Variants in RBFOX3 observed in about 807,000 individuals in gnomAD.
RBFOX3 encodes the protein RNA binding fox-1 homolog 3.
In RBFOX3, 17 loss-of-function variants were observed where a neutral mutation model predicts 48.7. The ratio of observed to expected loss-of-function variants is 0.35; its 90% CI spans 0.24 to 0.52. The LOEUF is 0.52. Ranked by LOEUF, RBFOX3 falls within the 20% of genes least tolerant of loss-of-function variation. The probability of loss-of-function intolerance (pLI) is 0.94; values close to 1 mark genes in which losing one functional copy is unlikely to be tolerated. For missense variants in RBFOX3, 382 were observed against 497.5 expected, an observed-to-expected ratio of 0.77 and a Z score of 2.21; for synonymous variants, 212 against 209.5, an observed-to-expected ratio of 1.01 and a Z score of -0.10.
At chr17:79,128,264 C>T (rs1041177792) in intron 4 of RBFOX3, among the ~76,000 whole-genome samples, 2 of 152,210 alleles carry the variant, frequency 1.3e-5, no homozygotes, top group Non-Finnish European at 2.9e-5. Context: ...TGAGCATTTG[C>T]TTCAGTGACT....
At chr17:79,156,727 G>A (rs922383397) in intron 4 of RBFOX3, among the ~76,000 whole-genome samples, 9 of 152,208 alleles carry the variant, frequency 5.9e-5, no homozygotes, top group Admixed American at 2.6e-4. Context: ...GTGGCCCGGA[G>A]AGACTAGCCC....
intron 2 of RBFOX3, among the ~76,000 whole-genome samples, chr17:79,478,790 C>T (rs989253685): frequency 1.1e-4 from 16 of 152,342 alleles, no homozygotes; most frequent in Non-Finnish European, 2.4e-4. Flanking sequence ...ATGTAACAGA[C>T]AAATCTCGTT....
rs114573452 is a variant in RBFOX3, at chr17:79,510,652, C to T, written c.-319-28054G>A. On this transcript the variant is annotated intron_variant, in intron 1 of 14. Coordinates refer to ENST00000693108, the MANE Select transcript of RBFOX3 (RefSeq NM_001350451.2). ...TAACAGCAGAGCTTGGGAATGCCTG[C>T]GCTCACCTCAGAACCACCAGTGCAT... is the stretch of plus-strand genomic sequence containing the variant. Among the ~76,000 whole-genome samples the T allele has an allele frequency of 6.3e-3, 955 of 152,316 alleles. 9 individuals carry two copies. The highest frequency in any genetic ancestry group is 0.022 in the African/African-American group (899 of 41,564).
At chr17:79,305,604 C>T (rs921001327) in intron 3 of RBFOX3, among the ~76,000 whole-genome samples, 4 of 152,264 alleles carry the variant, frequency 2.6e-5, no homozygotes, top group African/African-American at 9.6e-5. Context: ...TTGGGGAAGT[C>T]ACGGTCAGAT....
At chr17:79,125,944 T>C (rs112655512) in intron 4 of RBFOX3, among the ~76,000 whole-genome samples, 4,373 of 152,210 alleles carry the variant, frequency 0.029, 211 homozygotes, top group African/African-American at 0.098. Context: ...GCCCAAGAGG[T>C]GAGTCCACCC....
intron 4 of RBFOX3, among the ~76,000 whole-genome samples, chr17:79,218,397 A>G (rs1441650838): frequency 6.6e-6 from 1 of 151,994 alleles, no homozygotes; most frequent in Non-Finnish European, 1.5e-5. Context: ...GGCTCCTGGG[A>G]AGATGAGAAG....
At chr17:79,472,342 T>G (rs2077156850) in intron 2 of RBFOX3, among the ~76,000 whole-genome samples, 1 of 152,232 alleles carries the variant, frequency 6.6e-6, no homozygotes, top group Non-Finnish European at 1.5e-5. Flanking sequence ...TGCACCCTTC[T>G]ATTATGGACT....
In RBFOX3 at chr17:79,243,716, A is replaced by G. The variant is rs1028895777; in HGVS notation, c.-73-7911T>C. 6.6e-6 allele frequency among the ~76,000 whole-genome samples: 1 copy of G among 152,106 alleles called. No individual in the cohort carries two copies. The highest frequency in any genetic ancestry group is 2.4e-5 in the African/African-American group (1 of 41,422). Reference sequence around the variant, plus strand: ...ACAACACCCAAGCTGTGCCACAGACACCATAGTGTATCCTCCACCTGTCCC... The same window carrying G: ...ACAACACCCAAGCTGTGCCACAGACGCCATAGTGTATCCTCCACCTGTCCC... On this transcript the variant is annotated intron_variant, in intron 3 of 14. Transcript: ENST00000693108. This position sits in a 1 kb window ranked among gnomAD's most constrained non-coding sequence, Gnocchi z 7.9.
chr17:79,594,245 C>T (rs914579950), intron 1 of RBFOX3, among the ~76,000 whole-genome samples: 55 of 152,208 alleles, frequency 3.6e-4, no homozygotes, highest in Middle Eastern at 3.4e-3. Flanking sequence ...TGGAAACTTT[C>T]GAGACTGAGG....
chr17:79,128,758 G>A (rs1288597368), intron 4 of RBFOX3, among the ~76,000 whole-genome samples: 1 of 152,178 alleles, frequency 6.6e-6, no homozygotes, highest in East Asian at 1.9e-4. Context: ...GGCAGCTCAG[G>A]AGACCTCTCA....
rs114107353 is a variant in RBFOX3 at position 79,212,508 on chromosome 17, G to A, written c.-34+23258C>T. Reference sequence around the variant, plus strand: ...GGTCTCACCCTGGGCCCCCCAGTCCGCAACTCCTGACTCCTTATTCTGCAC... The same window carrying A: ...GGTCTCACCCTGGGCCCCCCAGTCCACAACTCCTGACTCCTTATTCTGCAC... On this transcript the variant is annotated intron_variant, in intron 4 of 14. Coordinates refer to ENST00000693108, the MANE Select transcript of RBFOX3 (RefSeq NM_001350451.2). This position sits in a 1 kb window ranked among gnomAD's most constrained non-coding sequence, Gnocchi z 4.7. Among the ~76,000 whole-genome samples, 803 of 152,300 alleles carry A rather than the reference G, an allele frequency of 5.3e-3. 8 individuals carry two copies. Among genetic ancestry groups the A allele is most frequent in the South Asian group, 0.049 (237 of 4,830 alleles).
chr17:79,298,152 C>G (rs2074703671), intron 3 of RBFOX3: 1 of 152,328 alleles, frequency 6.6e-6, no homozygotes, highest in African/African-American at 2.4e-5. Context: ...GCATCTGCAG[C>G]TACTTTGCAG....
chr17:79,508,262 G>C (rs1252688556), intron 1 of RBFOX3, among the ~76,000 whole-genome samples: 1 of 152,154 alleles, frequency 6.6e-6, no homozygotes, highest in Non-Finnish European at 1.5e-5. Context: ...CCCGAGAGGG[G>C]GTTCCTCCAG....
At chr17:79,633,609 T>C in the RBFOX3 span, among the ~76,000 whole-genome samples, 1 of 151,904 alleles carries the variant, frequency 6.6e-6, no homozygotes, top group Non-Finnish European at 1.5e-5. Context: ...TTTTTTTTTT[T>C]AACTGTAACG....
chr17:79,237,267 C>G (rs912097172), intron 3 of RBFOX3, among the ~76,000 whole-genome samples: 1 of 152,192 alleles, frequency 6.6e-6, no homozygotes, highest in African/African-American at 2.4e-5. Flanking sequence ...TCACCACCAC[C>G]GTCTTCATCC....
intron 1 of RBFOX3, among the ~76,000 whole-genome samples, chr17:79,525,039 A>G (rs1568378865): frequency 6.6e-6 from 1 of 152,194 alleles, no homozygotes; most frequent in East Asian, 1.9e-4. Flanking sequence ...CTCTAAGCAT[A>G]TTGCCCTCAA....
the RBFOX3 span, among the ~76,000 whole-genome samples, chr17:79,649,999 G>A: frequency 2.6e-5 from 4 of 152,096 alleles, no homozygotes; most frequent in African/African-American, 4.8e-5. Context: ...ATGAGAAACC[G>A]GCCCCCTGAT....
At chr17:79,292,819 GAA>G (rs34382374) in intron 3 of RBFOX3, among the ~76,000 whole-genome samples, 26,170 of 151,992 alleles carry the variant, frequency 0.17, 2,745 homozygotes, top group African/African-American at 0.28. Flanking sequence ...GCATTTGGGG[GAA>G]AAAATCACCC....
the RBFOX3 span, among the ~76,000 whole-genome samples, chr17:79,624,898 A>T: frequency 6.7e-6 from 1 of 148,658 alleles, no homozygotes; most frequent in Admixed American, 6.8e-5. Context: ...AGCTCAAGGA[A>T]GGGGTCCCCA....
Sources: allele counts gnomAD v4.1 joint callset (sites outside exome capture counted in the v4.1 genomes callset), GRCh38; gene constraint gnomAD v4.1.1; non-coding constraint Gnocchi (gnomAD v3.1); transcripts MANE v1.5; gene names NCBI Gene and HGNC (gene_info 2026-07-23, HGNC 2026-07-21).